CFAP206: variants seen among roughly 807,000 people sequenced by gnomAD.
CFAP206 encodes cilia and flagella associated protein 206.
A neutral mutation model predicts 65.4 loss-of-function variants in CFAP206; 53 were observed. The observed-to-expected ratio is 0.81, with a 90% confidence interval of 0.65 to 1.02. CFAP206 has a LOEUF of 1.02. Ranked by LOEUF, CFAP206 falls within the 50% of genes least tolerant of loss-of-function variation. The pLI, the probability that CFAP206 is intolerant of heterozygous loss-of-function variation, is 0.00. For synonymous variants in CFAP206, 250 were observed against 254.4 expected (o/e 0.98, Z 0.17); for missense variants, 663 against 753.2 (o/e 0.88, Z 1.40).
chr6:87,414,814 T>G (rs575907479), intron 4 of CFAP206, among the ~76,000 whole-genome samples: 66 of 152,332 alleles, frequency 4.3e-4, no homozygotes, highest in Middle Eastern at 3.4e-3. Context: ...TATGTAAAAG[T>G]ATATATCTTG....
chr6:87,454,343 G>A (rs1768599411), intron 11 of CFAP206, among the ~76,000 whole-genome samples: 1 of 152,126 alleles, frequency 6.6e-6, no homozygotes, highest in African/African-American at 2.4e-5. Flanking sequence ...CAGAAAACCA[G>A]CAAAGAAACA....
At chr6:87,414,203 G>A (rs1232461022) in intron 4 of CFAP206, among the ~76,000 whole-genome samples, 2 of 152,116 alleles carry the variant, frequency 1.3e-5, no homozygotes, top group Admixed American at 6.5e-5. Flanking sequence ...AGATTTTCTT[G>A]TTCCTGGTTT....
chr6:87,461,759 ATC>A (rs1768753336), intron 12 of CFAP206, among the ~76,000 whole-genome samples: 1 of 152,132 alleles, frequency 6.6e-6, no homozygotes, highest in African/African-American at 2.4e-5. Context: ...TATTTTATCC[ATC>A]TCTTTAACTG....
chr6:87,448,210 G>A (rs1768478870), intron 11 of CFAP206, among the ~76,000 whole-genome samples: 1 of 151,910 alleles, frequency 6.6e-6, no homozygotes, highest in Admixed American at 6.6e-5. Context: ...GCGATGTTTG[G>A]TTTTGTGTGA....
At chr6:87,427,888 G>A (rs997556487) in intron 8 of CFAP206, among the ~76,000 whole-genome samples, 3 of 151,514 alleles carry the variant, frequency 2.0e-5, no homozygotes, top group Middle Eastern at 3.2e-3. Flanking sequence ...TGGTACTTAT[G>A]AAGGTGTTTT....
At chr6:87,421,944 C>T (rs572436053) in intron 7 of CFAP206, among the ~76,000 whole-genome samples, 4 of 152,144 alleles carry the variant, frequency 2.6e-5, no homozygotes, top group African/African-American at 9.6e-5. Flanking sequence ...AGATTCCATT[C>T]TAATTTCTGC....
In CFAP206 at chr6:87,415,702, A is replaced by G. The variant is rs1428753106; in HGVS notation, c.300A>G (p.Glu100=). 3 of 1,604,344 alleles carry G rather than the reference A, an allele frequency of 1.9e-6. No individual in the cohort carries two copies. Among genetic ancestry groups the G allele is most frequent in the Admixed American group, 1.7e-5 (1 of 58,600 alleles). ...CAATTTTAGTGGAATTTCTCGAAGA[A>G]CATCACCGGGTCCTAGAGTCTAGAT... ...NYTNRVEFLE[E]HHRVLESRLG... Residue 100 remains glutamate (E), a synonymous_variant, in exon 5 of 13, where the codon GAA becomes GAG. Transcript: ENST00000369562.
intron 11 of CFAP206, among the ~76,000 whole-genome samples, chr6:87,452,072 G>T (rs961597891): frequency 1.3e-5 from 2 of 152,102 alleles, no homozygotes; most frequent in African/African-American, 4.8e-5. Flanking sequence ...TGTACAAGGG[G>T]GTGCTTGCAT....
intron 7 of CFAP206, among the ~76,000 whole-genome samples, chr6:87,421,477 C>T (rs1048476258): frequency 6.6e-6 from 1 of 151,782 alleles, no homozygotes; most frequent in Non-Finnish European, 1.5e-5. Flanking sequence ...CAGAGTGAGA[C>T]ACTGTCTCAA....
intron 7 of CFAP206, among the ~76,000 whole-genome samples, chr6:87,419,383 C>A (rs987127105): frequency 6.6e-6 from 1 of 152,130 alleles, no homozygotes; most frequent in Non-Finnish European, 1.5e-5. Flanking sequence ...GTAGCAGTGA[C>A]CTTTCTGTCA....
Position 87,432,656 on chromosome 6 carries a change from G to A in CFAP206, c.1300+1483G>A, listed in dbSNP as rs572738881. On this transcript the variant is annotated intron_variant, in intron 10 of 12. Coordinates refer to ENST00000369562, the MANE Select transcript of CFAP206 (RefSeq NM_001031743.3). ...TTTATGAAATCTCACACCTTCTGTG[G>A]ACCTCAGTTTCTCCTCAAGAAAATG... Among the ~76,000 whole-genome samples, 56 of 152,288 alleles carry A rather than the reference G, an allele frequency of 3.7e-4. 1 individual carries two copies. The South Asian group carries it at 0.011, about 31-fold the overall frequency.
chr6:87,461,575 C>T (rs1768749789), intron 12 of CFAP206, among the ~76,000 whole-genome samples: 1 of 152,050 alleles, frequency 6.6e-6, no homozygotes, highest in South Asian at 2.1e-4. Flanking sequence ...TCTCAGTCAC[C>T]TTAATTACAA....
At chr6:87,437,339 T>C (rs979959479) in intron 11 of CFAP206, among the ~76,000 whole-genome samples, 5 of 152,098 alleles carry the variant, frequency 3.3e-5, no homozygotes, top group Admixed American at 1.3e-4. Flanking sequence ...CTGTTCAGGT[T>C]TCCCCTTCTG....
chr6:87,434,739 C>A, intron 10 of CFAP206, 121 bp from the exon 11 acceptor site: 1 of 540,550 alleles, frequency 1.8e-6, no homozygotes, highest in Non-Finnish European at 3.2e-6. Context: ...CTCAGGTGGT[C>A]TGCCTGCTTT....
At chr6:87,456,180 C>T (rs1379580229) in intron 11 of CFAP206, among the ~76,000 whole-genome samples, 1 of 152,068 alleles carries the variant, frequency 6.6e-6, no homozygotes, top group African/African-American at 2.4e-5. Context: ...GGATTCATCC[C>T]ATAGATGCAA....
At chr6:87,427,386 G>A (rs558976890) in intron 8 of CFAP206, among the ~76,000 whole-genome samples, 7 of 152,186 alleles carry the variant, frequency 4.6e-5, no homozygotes, top group East Asian at 1.9e-4. Context: ...TGATCTGCCC[G>A]CCTCGGCCTC....
intron 7 of CFAP206, among the ~76,000 whole-genome samples, chr6:87,424,436 GC>G (rs1768003397): frequency 6.6e-6 from 1 of 151,816 alleles, no homozygotes; most frequent in Admixed American, 6.6e-5. Context: ...GTGCCACCAC[GC>G]CCAGCTAATT....
At chr6:87,448,980 C>T (rs550047048) in intron 11 of CFAP206, among the ~76,000 whole-genome samples, 6 of 152,168 alleles carry the variant, frequency 3.9e-5, no homozygotes, top group African/African-American at 1.4e-4. Flanking sequence ...GTGCAGATAT[C>T]TCTTTGACAT....
intron 2 of CFAP206, among the ~76,000 whole-genome samples, 192 bp downstream of exon 2, chr6:87,410,139 C>T (rs1213209900): frequency 2.0e-5 from 3 of 152,112 alleles, no homozygotes; most frequent in African/African-American, 7.2e-5. Flanking sequence ...TTTATAGAGA[C>T]ATTTAGAAGA....
Sources: gnomAD v4.1 joint callset for allele counts (sites outside exome capture counted in the v4.1 genomes callset) on GRCh38, gnomAD v4.1.1 for gene constraint, MANE v1.5 for transcripts, NCBI Gene and HGNC (gene_info 2026-07-23, HGNC 2026-07-21) for gene names.